The following CYP7B1 variants were observed in gnomAD, a reference collection of about 807,000 sequenced individuals.
CYP7B1 encodes the protein cytochrome P450 family 7 subfamily B member 1.
CYP7B1 carries 29 observed loss-of-function variants against 42.7 expected under a neutral mutation model. That is an observed-to-expected ratio of 0.68 (90% CI 0.51 to 0.93). CYP7B1 has a LOEUF of 0.93. Ranked by LOEUF, CYP7B1 falls within the 40% of genes least tolerant of loss-of-function variation. CYP7B1 has a pLI of 0.00. For synonymous variants in CYP7B1, 235 were observed against 218.2 expected (o/e 1.08, Z -0.68); for missense variants, 655 against 600.5 (o/e 1.09, Z -0.95).
intron 1 of CYP7B1, among the ~76,000 whole-genome samples, chr8:64,780,183 G>A (rs2129673500): frequency 6.6e-6 from 1 of 152,140 alleles, no homozygotes; most frequent in East Asian, 1.9e-4. Context: ...CAATTTGTAT[G>A]CAGTTTGTAT....
chr8:64,745,397 A>G (rs984852470), intron 1 of CYP7B1, among the ~76,000 whole-genome samples: 11 of 152,190 alleles, frequency 7.2e-5, no homozygotes, highest in Non-Finnish European at 1.5e-4. Context: ...TAATTGGGAG[A>G]GCTAACCAGG....
At chr8:64,643,488 G>A (rs900557539) in intron 1 of CYP7B1, among the ~76,000 whole-genome samples, 1 of 152,076 alleles carries the variant, frequency 6.6e-6, no homozygotes, top group African/African-American at 2.4e-5. Flanking sequence ...GCTAGAGGAG[G>A]GTCTTGCCTC....
rs186242147 is a variant in CYP7B1 at position 64,591,706 on chromosome 8, G to A, written c.*4936C>T. ...AGTATGCCAGGAAAGCCAAAACAAG[G>A]CAGATAAAAGTTTTCTTCTAGGTTG... On this transcript the variant is annotated 3_prime_UTR_variant, in exon 6 of 6. Transcript: ENST00000310193. Among the ~76,000 whole-genome samples, 1 of 152,246 alleles carries A rather than the reference G, an allele frequency of 6.6e-6. No individual in the cohort carries two copies. The highest frequency in any genetic ancestry group is 1.9e-4 in the East Asian group (1 of 5,188).
intron 1 of CYP7B1, among the ~76,000 whole-genome samples, chr8:64,716,272 T>C (rs996566114): frequency 6.6e-6 from 1 of 152,248 alleles, no homozygotes; most frequent in Non-Finnish European, 1.5e-5. Flanking sequence ...GTTAGTCAGA[T>C]AGCATGCTTT....
intron 1 of CYP7B1, among the ~76,000 whole-genome samples, chr8:64,672,725 G>A (rs1347140422): frequency 2.0e-5 from 3 of 152,122 alleles, no homozygotes; most frequent in African/African-American, 7.2e-5. Flanking sequence ...CAAGACACAG[G>A]CATGACTCCC....
At position 64,779,194 on chromosome 8, in the gene CYP7B1, AACTT is replaced by A. The variant is rs542043840; in HGVS notation, c.122+19268_122+19271del. Among the ~76,000 whole-genome samples, 1,179 of 152,250 alleles carry A rather than the reference AACTT, an allele frequency of 7.7e-3. 8 individuals carry two copies. Among genetic ancestry groups the A allele is most frequent in the Middle Eastern group, 0.01 (3 of 294 alleles). ...TTAAAAAGAATACAAAAAAGGAAAAAACTTAAGAAGTTAAGTTTGAAGTCAAACA... is the reference window on the plus strand; with the variant it reads ...TTAAAAAGAATACAAAAAAGGAAAAAAAGAAGTTAAGTTTGAAGTCAAACA... On this transcript the variant is annotated intron_variant, in intron 1 of 5. Coordinates refer to ENST00000310193, the MANE Select transcript of CYP7B1 (RefSeq NM_004820.5).
At chr8:64,658,368 A>G (rs1806152356) in intron 1 of CYP7B1, among the ~76,000 whole-genome samples, 1 of 152,204 alleles carries the variant, frequency 6.6e-6, no homozygotes, top group Non-Finnish European at 1.5e-5. Context: ...ACTGTAATTT[A>G]AAACATTAGA....
At chr8:64,761,679 C>G (rs1405641439) in intron 1 of CYP7B1, among the ~76,000 whole-genome samples, 1 of 152,156 alleles carries the variant, frequency 6.6e-6, no homozygotes, top group Non-Finnish European at 1.5e-5. Context: ...AATATGCCTG[C>G]TCTCTGCTGA....
At chr8:64,698,278 G>A (rs1018859819) in intron 1 of CYP7B1, among the ~76,000 whole-genome samples, 4 of 152,060 alleles carry the variant, frequency 2.6e-5, no homozygotes, top group African/African-American at 7.2e-5. Flanking sequence ...TGCAGATCAC[G>A]TTGGCATGGT....
intron 1 of CYP7B1, among the ~76,000 whole-genome samples, chr8:64,765,170 G>T (rs1254734429): frequency 6.6e-6 from 1 of 151,932 alleles, no homozygotes; most frequent in Admixed American, 6.6e-5. Context: ...ACTAAACAAG[G>T]TCTTATTAAT....
At chr8:64,711,920 C>T (rs985814164) in intron 1 of CYP7B1, among the ~76,000 whole-genome samples, 42 of 152,152 alleles carry the variant, frequency 2.8e-4, no homozygotes, top group Admixed American at 2.7e-3. Flanking sequence ...GACTATGTCT[C>T]ATTTTTCATA....
chr8:64,778,174 AATAT>A lies in CYP7B1; in HGVS notation c.122+20288_122+20291del, dbSNP rs60859854. Among the ~76,000 whole-genome samples, 181 of 133,202 alleles carry A rather than the reference AATAT, an allele frequency of 1.4e-3. 1 individual carries two copies. Among genetic ancestry groups the A allele is most frequent in the Admixed American group, 2.0e-3 (27 of 13,216 alleles). The allele number at this position is 133,202 out of a possible 152,430, so 87.4% of individuals were successfully genotyped here. On this transcript the variant is annotated intron_variant, in intron 1 of 5. Coordinates refer to ENST00000310193, the MANE Select transcript of CYP7B1 (RefSeq NM_004820.5). ...AGCAAAAAGGGTAGAACTAGTTTGA[AATAT>A]ATATATATATATATATATATATGTA...
intron 1 of CYP7B1, among the ~76,000 whole-genome samples, chr8:64,732,465 T>C (rs887995186): frequency 2.6e-5 from 4 of 152,202 alleles, no homozygotes; most frequent in African/African-American, 7.2e-5. Flanking sequence ...CCCCATTGTA[T>C]CTAGGAAGTA....
At chr8:64,733,180 G>A (rs1384648725) in intron 1 of CYP7B1, among the ~76,000 whole-genome samples, 2 of 152,144 alleles carry the variant, frequency 1.3e-5, no homozygotes, top group Admixed American at 1.3e-4. Context: ...GAACTCTGAT[G>A]AGTTTTTTCA....
Position 64,604,864 on chromosome 8 carries a change from G to GA in CYP7B1, c.1058-8dup, listed in dbSNP as rs764062133. Reference sequence around the variant, plus strand: ...GCTTCAAAAATGCTGCTTTCTGAAGGAAAAAAACAAACGATAGCTTATTAA... The same window carrying GA: ...GCTTCAAAAATGCTGCTTTCTGAAGGAAAAAAAACAAACGATAGCTTATTAA... On this transcript the variant is annotated splice_polypyrimidine_tract_variant and splice_region_variant and intron_variant, in intron 4 of 5. Transcript: ENST00000310193. 5 of 1,612,912 alleles carry GA rather than the reference G, an allele frequency of 3.1e-6. No homozygotes were observed. Among genetic ancestry groups the GA allele is most frequent in the South Asian group, 1.1e-5 (1 of 90,982 alleles).
chr8:64,621,734 ATT>A (rs201366655), intron 2 of CYP7B1, among the ~76,000 whole-genome samples: 48 of 132,544 alleles, frequency 3.6e-4, no homozygotes, highest in Admixed American at 5.5e-4. Flanking sequence ...AATGCATACA[ATT>A]TTTTTTTTTT....
At chr8:64,641,323 G>T (rs1360692461) in intron 1 of CYP7B1, among the ~76,000 whole-genome samples, 1 of 152,104 alleles carries the variant, frequency 6.6e-6, no homozygotes, top group Non-Finnish European at 1.5e-5. Context: ...TTTAATGCCT[G>T]TTTTTCTTTT....
chr8:64,766,327 A>G (rs1444656987), intron 1 of CYP7B1, among the ~76,000 whole-genome samples: 2 of 152,192 alleles, frequency 1.3e-5, no homozygotes, highest in Non-Finnish European at 2.9e-5. Flanking sequence ...CCTCTCTGTC[A>G]CCTGATTCTA....
rs539985278 is a variant in CYP7B1, at chr8:64,681,798, A to T, written c.123-57259T>A. Among the ~76,000 whole-genome samples, 3 of 152,218 alleles carry T rather than the reference A, an allele frequency of 2.0e-5. No homozygotes were observed. The South Asian group carries it at 6.2e-4, about 32-fold the overall frequency. On this transcript the variant is annotated intron_variant, in intron 1 of 5. Transcript: ENST00000310193. ...ACCTCACGAGAAACCAGTCAGAACC[A>T]CCCAGCTCAGCCTTTCCCAGATTCT...
Sources: gnomAD v4.1 joint callset for allele counts (sites outside exome capture counted in the v4.1 genomes callset) on GRCh38, gnomAD v4.1.1 for gene constraint, MANE v1.5 for transcripts, NCBI Gene and HGNC (gene_info 2026-07-23, HGNC 2026-07-21) for gene names.